CAMKMT: variants seen among roughly 807,000 people sequenced by gnomAD.
CAMKMT encodes calmodulin-lysine N-methyltransferase.
CAMKMT carries 53 observed loss-of-function variants against 48.0 expected under a neutral mutation model. That is an observed-to-expected ratio of 1.10 (90% CI 0.89 to 1.39). The LOEUF (loss-of-function observed/expected upper bound fraction) is 1.39, where lower values mean the gene tolerates loss of function less well. CAMKMT is among the 40% of genes most tolerant of loss of function. The pLI is 0.00. For synonymous variants in CAMKMT, 165 were observed against 152.3 expected (o/e 1.08, Z -0.61); for missense variants, 428 against 402.7 (o/e 1.06, Z -0.54).
intron 3 of CAMKMT, among the ~76,000 whole-genome samples, chr2:44,606,972 T>G (rs1671322230): frequency 6.6e-6 from 1 of 152,240 alleles, no homozygotes; most frequent in South Asian, 2.1e-4. Context: ...AGAGTCTGAA[T>G]TGTTTTGTCA....
chr2:44,591,380 C>G (rs1670259994), intron 3 of CAMKMT, among the ~76,000 whole-genome samples: 1 of 151,934 alleles, frequency 6.6e-6, no homozygotes, highest in Non-Finnish European at 1.5e-5. Context: ...TTCTTCCTAC[C>G]CATGAGCATG....
chr2:44,659,566 C>CAAAAAAAAAA (rs201673397), intron 3 of CAMKMT, among the ~76,000 whole-genome samples: 1 of 113,652 alleles, frequency 8.8e-6, no homozygotes. Flanking sequence ...CCCATCTCTA[C>CAAAAAAAAAA]AAAAAAAAAA....
At chr2:44,644,251 A>T (rs1235075644) in intron 3 of CAMKMT, among the ~76,000 whole-genome samples, 1 of 152,226 alleles carries the variant, frequency 6.6e-6, no homozygotes, top group African/African-American at 2.4e-5. Context: ...CCAAAAAACT[A>T]TGAAAGGAAT....
intron 7 of CAMKMT, among the ~76,000 whole-genome samples, chr2:44,731,818 AC>A (rs1239052664): frequency 6.6e-6 from 1 of 152,174 alleles, no homozygotes. Context: ...GGGCAATGAT[AC>A]TCAGCATCTC....
chr2:44,742,115 G>A (rs555885021), intron 7 of CAMKMT, among the ~76,000 whole-genome samples: 118 of 152,166 alleles, frequency 7.8e-4, no homozygotes, highest in African/African-American at 2.8e-3. Flanking sequence ...ATGAGGGCTG[G>A]GAAGGCCCCA....
intron 2 of CAMKMT, among the ~76,000 whole-genome samples, chr2:44,380,331 T>C (rs912222299): frequency 6.6e-6 from 1 of 152,054 alleles, no homozygotes; most frequent in Non-Finnish European, 1.5e-5. Context: ...GAGTGAACTT[T>C]TTATACTCTG....
chr2:44,567,861 C>T (rs893592426), intron 3 of CAMKMT, among the ~76,000 whole-genome samples: 3 of 152,090 alleles, frequency 2.0e-5, no homozygotes, highest in Non-Finnish European at 2.9e-5. Context: ...CTCTTTGGAT[C>T]GAGAGTCATT....
At position 44,754,118 on chromosome 2, in the gene CAMKMT, G is replaced by A. The variant is rs764125751; in HGVS notation, c.762G>A (p.Arg254=). The change falls in exon 9 of 11, where the codon AGG becomes AGA. Residue 254 remains arginine (R), a splice_region_variant and synonymous_variant. Transcript: ENST00000378494. ...VDAIKRLLQP[R]GKAMVFAPRR... ...CAATAAAGAGATTACTCCAGCCCAG[G>A]GTAAGTATGTTTCTATTTTCTCCTG... 72 of 1,612,262 alleles carry A rather than the reference G, an allele frequency of 4.5e-5. 1 individual carries two copies. In the South Asian group the frequency reaches 7.1e-4, roughly 16 times the overall value.
At chr2:44,499,203 T>C (rs1182793388) in intron 3 of CAMKMT, among the ~76,000 whole-genome samples, 1 of 152,208 alleles carries the variant, frequency 6.6e-6, no homozygotes, top group Non-Finnish European at 1.5e-5. Flanking sequence ...GTAAGTATTA[T>C]TTGAATGATG....
At chr2:44,515,501 A>C (rs994348314) in intron 3 of CAMKMT, among the ~76,000 whole-genome samples, 6 of 152,222 alleles carry the variant, frequency 3.9e-5, no homozygotes, top group African/African-American at 1.2e-4. Flanking sequence ...TTCACCTGTC[A>C]GTCACAGAGA....
At chr2:44,670,581 G>A (rs1675269682) in intron 3 of CAMKMT, among the ~76,000 whole-genome samples, 1 of 152,138 alleles carries the variant, frequency 6.6e-6, no homozygotes, top group African/African-American at 2.4e-5. Flanking sequence ...GAGCCCCAGT[G>A]TTAAAGGCTG....
chr2:44,654,511 T>G (rs1483367699), intron 3 of CAMKMT, among the ~76,000 whole-genome samples: 2 of 152,068 alleles, frequency 1.3e-5, no homozygotes, highest in Non-Finnish European at 2.9e-5. Context: ...ACAAACCATT[T>G]TTCGTTTTTG....
intron 3 of CAMKMT, among the ~76,000 whole-genome samples, chr2:44,639,289 A>T: frequency 6.6e-6 from 1 of 152,238 alleles, no homozygotes; most frequent in East Asian, 1.9e-4. Context: ...AATGAATATG[A>T]CCAGATTATG....
intron 3 of CAMKMT, among the ~76,000 whole-genome samples, chr2:44,628,127 T>C (rs1437736749): frequency 6.6e-6 from 1 of 152,170 alleles, no homozygotes; most frequent in Admixed American, 6.5e-5. Flanking sequence ...TTAAATTTTT[T>C]TGTAGAGATG....
chr2:44,441,379 G>T (rs374868231), intron 3 of CAMKMT, among the ~76,000 whole-genome samples: 2 of 152,250 alleles, frequency 1.3e-5, no homozygotes, highest in South Asian at 4.1e-4. Context: ...CAGGTTCACA[G>T]TGATGACTCG....
intron 3 of CAMKMT, among the ~76,000 whole-genome samples, chr2:44,436,572 AT>A (rs71393275): frequency 5.5e-4 from 81 of 147,926 alleles, no homozygotes; most frequent in East Asian, 7.8e-4. Context: ...CTTATTTTTA[AT>A]TTTTTTTTTT....
At chr2:44,497,745 G>A (rs1669823709) in intron 3 of CAMKMT, among the ~76,000 whole-genome samples, 1 of 147,528 alleles carries the variant, frequency 6.8e-6, no homozygotes, top group South Asian at 2.2e-4. Context: ...GAGAGAGAGG[G>A]ATAGTATATG....
rs760818655 is a variant in CAMKMT, at chr2:44,549,626, T to G, written c.377-154657T>G. 11 of 650,602 alleles carry G rather than the reference T, an allele frequency of 1.7e-5. 1 individual carries two copies. The highest frequency in any genetic ancestry group is 2.4e-4 in the Middle Eastern group (1 of 4,112). 40.3% of individuals were successfully genotyped at this position (650,602 alleles called of 1,614,324 possible). A position where few individuals can be genotyped will look rare whatever the true frequency, so the allele number is the denominator to read the frequency against. On this transcript the variant is annotated intron_variant, in intron 3 of 10. Coordinates refer to ENST00000378494, the MANE Select transcript of CAMKMT (RefSeq NM_024766.5). ...ATAACTCAGTGCAGCCTCAAACTCC[T>G]GAACTGCTCATATATTTAAGAAACA...
At chr2:44,562,792 C>A (rs757581329) in intron 3 of CAMKMT, among the ~76,000 whole-genome samples, 3 of 152,122 alleles carry the variant, frequency 2.0e-5, no homozygotes, top group Non-Finnish European at 4.4e-5. Context: ...AACTCCTGAC[C>A]TCAAGTAATC....
Sources: allele counts gnomAD v4.1 joint callset (sites outside exome capture counted in the v4.1 genomes callset), GRCh38; gene constraint gnomAD v4.1.1; transcripts MANE v1.5; gene names NCBI Gene and HGNC (gene_info 2026-07-23, HGNC 2026-07-21).